HHLA1: variants seen among roughly 807,000 people sequenced by gnomAD.
The protein encoded by HHLA1 is HERV-H LTR-associating protein 1.
Under a neutral mutation model 69.9 loss-of-function variants are expected in HHLA1, and 72 were observed. The ratio of observed to expected loss-of-function variants is 1.03; its 90% CI spans 0.85 to 1.25. The LOEUF (loss-of-function observed/expected upper bound fraction) is 1.25. Among genes scored for constraint, HHLA1 ranks in the 50% most tolerant of loss-of-function variants. The pLI is 0.00. For missense variants in HHLA1, 685 were observed against 642.2 expected, an observed-to-expected ratio of 1.07 and a Z score of -0.72; for synonymous variants, 252 against 233.2, an observed-to-expected ratio of 1.08 and a Z score of -0.73.
At chr8:132,067,751 C>A (rs895878514) in intron 15 of HHLA1, among the ~76,000 whole-genome samples, 14 of 152,216 alleles carry the variant, frequency 9.2e-5, no homozygotes, top group Non-Finnish European at 2.9e-5. Flanking sequence ...GAGACTGCTG[C>A]TACCCTTTTA....
At chr8:132,088,187 C>G (rs1823893382) in intron 8 of HHLA1, among the ~76,000 whole-genome samples, 1 of 152,162 alleles carries the variant, frequency 6.6e-6, no homozygotes, top group African/African-American at 2.4e-5. Context: ...TGCTTGACCT[C>G]TTCAGGACTC....
At position 132,107,074 on chromosome 8, in the gene HHLA1, C is replaced by G. The variant is rs148162454; in HGVS notation, c.-21-1788G>C. ...GGAATCTTAATTTCTTTCTCATTCTCTTATCTTTCTCTCTTTTCTCCTCTT... is the reference window on the plus strand; with the variant it reads ...GGAATCTTAATTTCTTTCTCATTCTGTTATCTTTCTCTCTTTTCTCCTCTT... On this transcript the variant is annotated intron_variant, in intron 1 of 16. Coordinates refer to ENST00000414222, the MANE Select transcript of HHLA1 (RefSeq NM_001145095.3). 3.6e-3 allele frequency among the ~76,000 whole-genome samples: 555 copies of G among 152,240 alleles called. 4 individuals are homozygous for G. Among genetic ancestry groups the G allele is most frequent in the African/African-American group, 0.013 (537 of 41,512 alleles).
At chr8:132,070,756 C>T (rs1426833869) in intron 15 of HHLA1, among the ~76,000 whole-genome samples, 1 of 151,840 alleles carries the variant, frequency 6.6e-6, no homozygotes, top group African/African-American at 2.4e-5. Flanking sequence ...CTCAACACAA[C>T]TCAACTCATC....
At chr8:132,084,254 TG>T (rs916406547) in intron 10 of HHLA1, among the ~76,000 whole-genome samples, 3 of 151,842 alleles carry the variant, frequency 2.0e-5, no homozygotes, top group Non-Finnish European at 4.4e-5. Flanking sequence ...GAGCGGAGGC[TG>T]AGGGAGAATT....
chr8:132,086,455 A>G (rs558699270), intron 10 of HHLA1, among the ~76,000 whole-genome samples: 1 of 152,344 alleles, frequency 6.6e-6, no homozygotes, highest in East Asian at 1.9e-4. Context: ...TCCCAGATCA[A>G]CCAGACATGG....
At chr8:132,081,253 A>G (rs1360009904) in intron 10 of HHLA1, 1 of 152,208 alleles carries the variant, frequency 6.6e-6, no homozygotes, top group African/African-American at 2.4e-5. Context: ...AGTAGGGATG[A>G]CAAGTTTTTT....
At chr8:132,077,992 T>C in intron 11 of HHLA1, 21 bp from the exon 12 acceptor site, 1 of 1,551,260 alleles carries the variant, frequency 6.4e-7, no homozygotes, top group Non-Finnish European at 8.7e-7. Flanking sequence ...AAAGTGACAG[T>C]AACAGGGTAC....
intron 3 of HHLA1, 128 bp downstream of exon 3, chr8:132,103,980 T>C: frequency 4.6e-6 from 3 of 657,578 alleles, no homozygotes; most frequent in Non-Finnish European, 8.3e-6. Flanking sequence ...GGAACCATTG[T>C]TGTGACTATT....
intron 7 of HHLA1, among the ~76,000 whole-genome samples, chr8:132,093,238 T>G (rs1253584852): frequency 6.6e-6 from 1 of 152,170 alleles, no homozygotes; most frequent in African/African-American, 2.4e-5. Flanking sequence ...TATTAGCATG[T>G]TAATAGTGAC....
In HHLA1 at chr8:132,104,252, A is replaced by G. The variant is rs556260225; in HGVS notation, c.80-85T>C. On this transcript the variant is annotated intron_variant, in intron 2 of 16. Transcript: ENST00000414222. ...TTGATTCAACATACCCATTTTACAG[A>G]TGAGAGAATTATGATCTGGGGTTGT... 2.6e-5 allele frequency: 24 copies of G among 916,682 alleles called. No individual in the cohort carries two copies. The African/African-American group carries it at 3.1e-4, about 12-fold the overall frequency. 56.8% of individuals were successfully genotyped at this position (916,682 alleles called of 1,614,324 possible).
chr8:132,110,540 C>T (rs2403731), intron 1 of HHLA1, among the ~76,000 whole-genome samples: 119,616 of 152,124 alleles, frequency 0.79, 47,743 homozygotes, highest in Middle Eastern at 0.94. Context: ...CCCATTGGTC[C>T]TTCAAGCAAC....
rs988214579 is a variant in HHLA1 at position 132,101,146 on chromosome 8, T to A, written c.140-1012A>T. 8.6e-5 allele frequency: 131 copies of A among 1,521,630 alleles called. 1 individual carries two copies. Among genetic ancestry groups the A allele is most frequent in the Admixed American group, 2.5e-4 (11 of 44,756 alleles). The allele number at this position is 1,521,630 out of a possible 1,614,324, so 94.3% of individuals were successfully genotyped here. On this transcript the variant is annotated intron_variant, in intron 3 of 16. Coordinates refer to ENST00000414222, the MANE Select transcript of HHLA1 (RefSeq NM_001145095.3). ...GAAGGTGCTGTATTTTACATTTTCA[T>A]TTTGCAAATAGAAAACAACAAGCCA... is the stretch of plus-strand genomic sequence containing the variant.
In HHLA1 at chr8:132,104,164, G is replaced by C; in HGVS notation, c.83C>G (p.Ser28Cys). ...TTTCTTGGCTTCTCCTTTGATGCCA[G>C]ACACTAAAGTAAAAAAGGTTTAATC... ...ACVLSLWNTV[S>C]GIKGEAKKEK... The change falls in exon 3 of 17, where the codon TCT becomes TGT. Residue 28 changes from serine (S) to cysteine (C), a missense_variant. By Grantham distance (112) the Ser-to-Cys change is moderately radical. Transcript: ENST00000414222. 1 of 1,548,560 alleles carries C rather than the reference G, an allele frequency of 6.5e-7. No individual in the cohort carries two copies. The highest frequency in any genetic ancestry group is 8.7e-7 in the Non-Finnish European group (1 of 1,144,350).
rs547111998 is a variant in HHLA1, at chr8:132,092,236, G to A, written c.449-2637C>T. Among the ~76,000 whole-genome samples the A allele has an allele frequency of 1.3e-4, 20 of 152,304 alleles. No individual in the cohort carries two copies. In the South Asian group the frequency reaches 1.9e-3, roughly 14 times the overall value. On this transcript the variant is annotated intron_variant, in intron 7 of 16. Transcript: ENST00000414222. ...ACAGTATCAAATTTTAATTGGGAACGTGATGGTTTAAAGCAACGACTATAA... is the reference window on the plus strand; with the variant it reads ...ACAGTATCAAATTTTAATTGGGAACATGATGGTTTAAAGCAACGACTATAA...
intron 8 of HHLA1, 89 bp downstream of exon 8, chr8:132,089,427 G>A: frequency 1.3e-6 from 1 of 748,136 alleles, no homozygotes; most frequent in African/African-American, 1.7e-5. Flanking sequence ...TATAGCAGGG[G>A]TTGGGGTGAG....
chr8:132,068,797 T>G (rs1054237550), intron 15 of HHLA1, among the ~76,000 whole-genome samples: 1 of 152,186 alleles, frequency 6.6e-6, no homozygotes, highest in African/African-American at 2.4e-5. Flanking sequence ...CACCAGGGAC[T>G]GTGGCTTTGT....
At chr8:132,071,199 G>T (rs1263694270) in intron 15 of HHLA1, 141 bp downstream of exon 15, 1 of 639,268 alleles carries the variant, frequency 1.6e-6, no homozygotes, top group Non-Finnish European at 2.7e-6. Context: ...ACTCACTGGA[G>T]AGTCCCTTAC....
intron 7 of HHLA1, among the ~76,000 whole-genome samples, chr8:132,093,191 G>A (rs1048476489): frequency 1.3e-5 from 2 of 152,100 alleles, no homozygotes. Context: ...TAGATAAGTG[G>A]GTTATATAGG....
At chr8:132,068,146 A>G (rs1586722675) in intron 15 of HHLA1, among the ~76,000 whole-genome samples, 1 of 152,234 alleles carries the variant, frequency 6.6e-6, no homozygotes, top group Admixed American at 6.5e-5. Context: ...GATGGACAAC[A>G]TCATCCAAAC....
Sources: gnomAD v4.1 joint callset for allele counts (sites outside exome capture counted in the v4.1 genomes callset) on GRCh38, gnomAD v4.1.1 for gene constraint, MANE v1.5 for transcripts, NCBI Gene and HGNC (gene_info 2026-07-23, HGNC 2026-07-21) for gene names.